FBXO15: variants seen among roughly 807,000 people sequenced by gnomAD.
FBXO15 encodes F-box only protein 15.
A neutral mutation model predicts 49.5 loss-of-function variants in FBXO15; 30 were observed. The observed-to-expected ratio is 0.61, with a 90% CI of 0.45 to 0.82. The LOEUF (loss-of-function observed/expected upper bound fraction) is 0.82, where lower values mean the gene tolerates loss of function less well. Ranked by LOEUF, FBXO15 falls within the 40% of genes least tolerant of loss-of-function variation. The probability of loss-of-function intolerance (pLI) is 0.00; values close to 1 mark genes in which losing one functional copy is unlikely to be tolerated. For synonymous variants in FBXO15, 250 were observed against 232.7 expected (o/e 1.07, Z -0.68); for missense variants, 591 against 631.5 (o/e 0.94, Z 0.69).
chr18:74,120,765 G>C (rs1914433352), intron 8 of FBXO15, among the ~76,000 whole-genome samples: 1 of 151,214 alleles, frequency 6.6e-6, no homozygotes, highest in Non-Finnish European at 1.5e-5. Flanking sequence ...TTAGAAACTA[G>C]AAAAACAGAA....
At chr18:74,121,405 G>A (rs1914462816) in intron 8 of FBXO15, among the ~76,000 whole-genome samples, 1 of 151,754 alleles carries the variant, frequency 6.6e-6, no homozygotes, top group Non-Finnish European at 1.5e-5. Context: ...CAAGAAATGT[G>A]CAAAACTAGC....
At chr18:74,093,273 G>A (rs112634340) in intron 8 of FBXO15, among the ~76,000 whole-genome samples, 5,871 of 149,404 alleles carry the variant, frequency 0.039, 458 homozygotes, top group African/African-American at 0.13. Flanking sequence ...TGGGGGGGGG[G>A]TGGCTGCAGA....
intron 5 of FBXO15, among the ~76,000 whole-genome samples, chr18:74,128,507 T>C (rs1978300495): frequency 6.6e-6 from 1 of 152,094 alleles, no homozygotes; most frequent in Non-Finnish European, 1.5e-5. Context: ...AACGACATGG[T>C]AAATACTCCT....
At chr18:74,087,123 A>G (rs1220159807) in intron 8 of FBXO15, among the ~76,000 whole-genome samples, 1 of 152,256 alleles carries the variant, frequency 6.6e-6, no homozygotes, top group Non-Finnish European at 1.5e-5. Flanking sequence ...AAAAATGCTA[A>G]TGACCATCTG....
intron 6 of FBXO15, 64 bp from the exon 7 acceptor site, chr18:74,124,635 T>C (rs1486403186): frequency 6.4e-6 from 9 of 1,397,136 alleles, no homozygotes; most frequent in South Asian, 5.8e-5. Flanking sequence ...CACAAGATCA[T>C]TGTGAAGATC....
rs760272575 is a variant in FBXO15 at position 74,129,627 on chromosome 18, A to T, written c.576-13T>A. The T allele has an allele frequency of 6.3e-7, 1 of 1,593,642 alleles. No individual in the cohort carries two copies. The highest frequency in any genetic ancestry group is 1.1e-5 in the South Asian group (1 of 87,048). ...TAAACCAAATATTCTGGAGAAAGAA[A>T]AAAAAACTAACAATGTTTGCCTCAT... On this transcript the variant is annotated splice_polypyrimidine_tract_variant and intron_variant, in intron 4 of 9. Coordinates refer to ENST00000419743, the MANE Select transcript of FBXO15 (RefSeq NM_001142958.2).
At chr18:74,145,594 C>CT (rs760823560) in intron 1 of FBXO15, among the ~76,000 whole-genome samples, 2,175 of 96,332 alleles carry the variant, frequency 0.023, 223 homozygotes, top group Non-Finnish European at 0.027. Context: ...ACCAACTGCA[C>CT]TTTTTTTTTT....
chr18:74,084,521 G>A (rs989879123), intron 8 of FBXO15, among the ~76,000 whole-genome samples: 2 of 152,226 alleles, frequency 1.3e-5, no homozygotes, highest in African/African-American at 4.8e-5. Flanking sequence ...ACAGAGCATG[G>A]CTTTGCATCT....
chr18:74,129,374 T>G, intron 5 of FBXO15, 31 bp downstream of exon 5: 1 of 1,574,208 alleles, frequency 6.4e-7, no homozygotes, highest in Non-Finnish European at 8.7e-7. Flanking sequence ...TAAGATGCTC[T>G]CACTCAACAG....
chr18:74,141,843 G>A (rs1281701053), intron 1 of FBXO15, among the ~76,000 whole-genome samples: 1 of 152,150 alleles, frequency 6.6e-6, no homozygotes, highest in Non-Finnish European at 1.5e-5. Context: ...TCACCCACTG[G>A]CACCTGGCTG....
chr18:74,139,706 T>C (rs76886162), intron 2 of FBXO15, among the ~76,000 whole-genome samples: 6,718 of 152,286 alleles, frequency 0.044, 203 homozygotes, highest in East Asian at 0.12. Context: ...CGGTGTTCCA[T>C]AAATGTTACT....
At chr18:74,115,690 A>G (rs1260807480) in intron 8 of FBXO15, among the ~76,000 whole-genome samples, 1 of 152,248 alleles carries the variant, frequency 6.6e-6, no homozygotes, top group Non-Finnish European at 1.5e-5. Context: ...ATACATATGT[A>G]TCTTTTAAAG....
chr18:74,123,762 T>C (rs1015513702), intron 7 of FBXO15, among the ~76,000 whole-genome samples: 1 of 152,094 alleles, frequency 6.6e-6, no homozygotes, highest in Non-Finnish European at 1.5e-5. Context: ...CGGGTGCACA[T>C]GTTTCTGCAG....
chr18:74,129,319 T>C (rs1419628514), intron 5 of FBXO15, 86 bp downstream of exon 5: 3 of 1,176,062 alleles, frequency 2.6e-6, no homozygotes, highest in African/African-American at 3.1e-5. Context: ...AAAACGCTGC[T>C]CTTATTTTTT....
chr18:74,076,434 G>A (rs1912261103), intron 9 of FBXO15: 1 of 152,264 alleles, frequency 6.6e-6, no homozygotes, highest in African/African-American at 2.4e-5. Context: ...TACCAGGTGA[G>A]GACACTGCTA....
rs755104611 is a variant in FBXO15 at position 74,130,539 on chromosome 18, G to A, written c.452C>T (p.Ala151Val). ...MSFLSVQDKE[A>V]GYWKKEYITK... ...GATATATTCTTTCTTCCAATAACCA[G>A]CTTCTTTATCCTGAACTGACAGAAA... The change falls in exon 4 of 10, where the codon GCT (alanine) becomes GTT (valine). Residue 151 changes from alanine (A) to valine (V), a missense_variant. Ala to Val is a moderately conservative substitution (Grantham distance 64). Coordinates refer to ENST00000419743, the MANE Select transcript of FBXO15 (RefSeq NM_001142958.2). 1.1e-4 allele frequency: 173 copies of A among 1,614,018 alleles called. No individual in the cohort carries two copies. The highest frequency in any genetic ancestry group is 1.4e-4 in the Non-Finnish European group (164 of 1,180,014).
chr18:74,091,269 CT>C (rs1913014213), intron 8 of FBXO15, among the ~76,000 whole-genome samples: 1 of 152,026 alleles, frequency 6.6e-6, no homozygotes, highest in African/African-American at 2.4e-5. Context: ...TTCTACATCC[CT>C]TGAGTCTATA....
At chr18:74,131,665 G>T (rs1978400420) in intron 3 of FBXO15, among the ~76,000 whole-genome samples, 1 of 152,216 alleles carries the variant, frequency 6.6e-6, no homozygotes, top group Non-Finnish European at 1.5e-5. Flanking sequence ...GGAAAGAGAA[G>T]GAAGACACAG....
chr18:74,130,727 T>C, intron 3 of FBXO15, 69 bp from the exon 4 acceptor site: 1 of 1,462,694 alleles, frequency 6.8e-7, no homozygotes, highest in Non-Finnish European at 9.2e-7. Flanking sequence ...ATATATCAAA[T>C]TAGAGATGCA....
Sources: allele counts gnomAD v4.1 joint callset (sites outside exome capture counted in the v4.1 genomes callset), GRCh38; gene constraint gnomAD v4.1.1; transcripts MANE v1.5; gene names NCBI Gene and HGNC (gene_info 2026-07-23, HGNC 2026-07-21).